Variants in SLC8A1 observed in about 807,000 individuals in gnomAD.
SLC8A1 encodes sodium/calcium exchanger 1.
A neutral mutation model predicts 68.3 loss-of-function variants in SLC8A1; 18 were observed. That is an observed-to-expected ratio of 0.26 (90% CI 0.18 to 0.39). The LOEUF is 0.39. Ranked by LOEUF, SLC8A1 falls within the 10% of genes least tolerant of loss-of-function variation. SLC8A1 has a pLI of 1.00. For missense variants in SLC8A1, 985 were observed against 1,156.7 expected (o/e 0.85, Z 2.15); for synonymous variants, 475 against 415.5 (o/e 1.14, Z -1.74).
At chr2:40,119,397 G>T (rs1480599256) in intron 7 of SLC8A1, among the ~76,000 whole-genome samples, 3 of 151,954 alleles carry the variant, frequency 2.0e-5, no homozygotes, top group African/African-American at 7.2e-5. Flanking sequence ...CTCCAACAGA[G>T]AGAACTCTGT....
chr2:40,201,375 T>C (rs991970114), intron 2 of SLC8A1, among the ~76,000 whole-genome samples: 1 of 151,946 alleles, frequency 6.6e-6, no homozygotes, highest in African/African-American at 2.4e-5. Context: ...TTTACAAATA[T>C]ATTATTTTTG....
intron 1 of SLC8A1, among the ~76,000 whole-genome samples, chr2:40,497,574 A>G (rs1705792047): frequency 6.6e-6 from 1 of 152,032 alleles, no homozygotes; most frequent in Admixed American, 6.6e-5. Flanking sequence ...CATCAAGTGA[A>G]AAAGGAGGGA....
intron 2 of SLC8A1, among the ~76,000 whole-genome samples, chr2:40,329,956 G>A (rs1395222401): frequency 6.6e-6 from 1 of 152,074 alleles, no homozygotes; most frequent in Admixed American, 6.6e-5. Flanking sequence ...GTAATAAAAA[G>A]GGGGGGAAAA....
intron 4 of SLC8A1, among the ~76,000 whole-genome samples, chr2:40,173,633 T>C (rs1178879616): frequency 2.0e-5 from 3 of 152,224 alleles, no homozygotes; most frequent in African/African-American, 7.2e-5. Context: ...ATTAAGTTCA[T>C]CCCAATTCCC....
At position 40,381,552 on chromosome 2, in the gene SLC8A1, G is replaced by A. The variant is rs368205930; in HGVS notation, c.1808+46921C>T. On this transcript the variant is annotated intron_variant, in intron 2 of 7. Transcript: ENST00000406785. ...ATTCAGGTCAAATGTCTTTTACCTG[G>A]CCCCATTCTTCCCATCTCCATAAAG... is the stretch of plus-strand genomic sequence containing the variant. Among the ~76,000 whole-genome samples the A allele has an allele frequency of 5.9e-5, 9 of 151,528 alleles. No homozygotes were observed. In the East Asian group the frequency reaches 9.8e-4, roughly 17 times the overall value.
rs114354803 is a variant in SLC8A1 at position 40,232,333 on chromosome 2, C to G, written c.1809-54478G>C. On this transcript the variant is annotated intron_variant, in intron 2 of 7. Transcript: ENST00000406785. ...ATCTTTTGGTTGGCACATAGATGTT[C>G]TGATTACAGACAGATTGTATTATTT... Among the ~76,000 whole-genome samples, 1,282 of 151,470 alleles carry G rather than the reference C, an allele frequency of 8.5e-3. 20 individuals are homozygous for G. Among genetic ancestry groups the G allele is most frequent in the African/African-American group, 0.03 (1,238 of 41,314 alleles).
chr2:40,265,127 G>A (rs966407057), intron 2 of SLC8A1, among the ~76,000 whole-genome samples: 7 of 152,122 alleles, frequency 4.6e-5, no homozygotes, highest in African/African-American at 1.4e-4. Flanking sequence ...TTCAGAAGGC[G>A]GATTGTCCAG....
chr2:40,204,870 G>C (rs940411836), intron 2 of SLC8A1, among the ~76,000 whole-genome samples: 4 of 151,308 alleles, frequency 2.6e-5, no homozygotes, highest in African/African-American at 9.7e-5. Flanking sequence ...TCTTAATGTG[G>C]GTTAGCCACA....
intron 1 of SLC8A1, among the ~76,000 whole-genome samples, chr2:40,433,450 TCA>T (rs1375976068): frequency 6.6e-6 from 1 of 152,200 alleles, no homozygotes; most frequent in East Asian, 1.9e-4. Context: ...TCTTAAACAG[TCA>T]CAGATACCAT....
chr2:40,173,363 A>T (rs926985069), intron 4 of SLC8A1, among the ~76,000 whole-genome samples: 6 of 152,202 alleles, frequency 3.9e-5, no homozygotes, highest in Non-Finnish European at 8.8e-5. Flanking sequence ...GGGACATCTG[A>T]CCCAGAAGAG....
At chr2:40,175,513 T>TGC (rs2048324542) in intron 3 of SLC8A1, among the ~76,000 whole-genome samples, 1 of 151,998 alleles carries the variant, frequency 6.6e-6, no homozygotes, top group Admixed American at 6.6e-5. Flanking sequence ...TATATGTGTG[T>TGC]GTGTGTGTGT....
intron 2 of SLC8A1, among the ~76,000 whole-genome samples, chr2:40,328,211 G>A (rs1466095892): frequency 6.6e-6 from 1 of 152,150 alleles, no homozygotes; most frequent in Non-Finnish European, 1.5e-5. Context: ...GGAATTTTCT[G>A]TGACTTAAAA....
chr2:40,328,591 A>G (rs753550251), intron 2 of SLC8A1, among the ~76,000 whole-genome samples: 2 of 152,128 alleles, frequency 1.3e-5, no homozygotes, highest in Non-Finnish European at 2.9e-5. Context: ...TCGCATACAT[A>G]CATTTTCCAC....
intron 2 of SLC8A1, among the ~76,000 whole-genome samples, chr2:40,183,072 A>G (rs891597934): frequency 6.6e-6 from 1 of 152,134 alleles, no homozygotes; most frequent in Non-Finnish European, 1.5e-5. Flanking sequence ...GGCTCTTTGC[A>G]TTTCTTAATT....
intron 2 of SLC8A1, among the ~76,000 whole-genome samples, chr2:40,200,653 A>G (rs930450074): frequency 5.9e-5 from 9 of 151,710 alleles, no homozygotes; most frequent in Non-Finnish European, 1.2e-4. Context: ...AAATGCCAAC[A>G]AGCAGTCATC....
chr2:40,294,888 C>T (rs370805427), intron 2 of SLC8A1, among the ~76,000 whole-genome samples: 21 of 152,130 alleles, frequency 1.4e-4, no homozygotes, highest in South Asian at 8.3e-4. Context: ...GTCACATGTA[C>T]GTATAATCTG....
At chr2:40,327,623 G>T (rs1387809319) in intron 2 of SLC8A1, among the ~76,000 whole-genome samples, 2 of 152,150 alleles carry the variant, frequency 1.3e-5, no homozygotes, top group Non-Finnish European at 2.9e-5. Context: ...GATGCAGCTG[G>T]AGGTCATTAT....
intron 1 of SLC8A1, among the ~76,000 whole-genome samples, chr2:40,463,638 C>T (rs886710654): frequency 2.0e-5 from 3 of 152,038 alleles, no homozygotes; most frequent in Non-Finnish European, 4.4e-5. Flanking sequence ...TCATTGCTAT[C>T]CCTTGTCTGG....
Position 40,255,441 on chromosome 2 carries a change from T to TCTAAA in SLC8A1, c.1809-77591_1809-77587dup, listed in dbSNP as rs1265638054. 5.9e-5 allele frequency among the ~76,000 whole-genome samples: 9 copies of TCTAAA among 152,310 alleles called. 1 individual carries two copies. The South Asian group carries it at 1.2e-3, about 21-fold the overall frequency. ...CAAAGGGAAAATGTACAACATTTCT[T>TCTAAA]CTAAACTATTTTGTACAGAGAACAT... On this transcript the variant is annotated intron_variant, in intron 2 of 7. Transcript: ENST00000406785.
Sources: gnomAD v4.1 joint callset for allele counts (sites outside exome capture counted in the v4.1 genomes callset) on GRCh38, gnomAD v4.1.1 for gene constraint, MANE v1.5 for transcripts, NCBI Gene and HGNC (gene_info 2026-07-23, HGNC 2026-07-21) for gene names.